Variants in CLIC5 observed in about 807,000 individuals in gnomAD.
CLIC5 encodes chloride intracellular channel protein 5.
A neutral mutation model predicts 24.7 loss-of-function variants in CLIC5; 20 were observed. The observed-to-expected ratio is 0.81, with a 90% CI of 0.57 to 1.18. The LOEUF (loss-of-function observed/expected upper bound fraction) is 1.18. Among genes scored for constraint, CLIC5 ranks in the 50% most tolerant of loss-of-function variants. The pLI, the probability that CLIC5 is intolerant of heterozygous loss-of-function variation, is 0.00. For missense variants in CLIC5, 341 were observed against 326.1 expected, an observed-to-expected ratio of 1.05 and a Z score of -0.35; for synonymous variants, 159 against 135.6, an observed-to-expected ratio of 1.17 and a Z score of -1.20.
At chr6:46,083,952 G>T (rs1762976763), upstream of CLIC5, among the ~76,000 whole-genome samples, 1 of 152,056 alleles carries the variant, frequency 6.6e-6, no homozygotes, top group South Asian at 2.1e-4. Context: ...TATGAATCTG[G>T]GTGCTCCTGT....
chr6:46,031,920 C>T (rs1193485212), intron 1 of CLIC5, among the ~76,000 whole-genome samples: 1 of 138,164 alleles, frequency 7.2e-6, no homozygotes, highest in Non-Finnish European at 1.6e-5. Context: ...TATATATGTA[C>T]ACAACATATA....
chr6:46,015,245 G>T (rs566605804), intron 1 of CLIC5, among the ~76,000 whole-genome samples: 60 of 152,300 alleles, frequency 3.9e-4, no homozygotes, highest in Middle Eastern at 6.8e-3. Flanking sequence ...GGGGACGGGG[G>T]TGGACAAACT....
intron 6 of CLIC5, among the ~76,000 whole-genome samples, chr6:45,882,826 T>C (rs1762274877): frequency 6.6e-6 from 1 of 152,258 alleles, no homozygotes; most frequent in South Asian, 2.1e-4. Context: ...CATTCATTCA[T>C]GTACTGTTCA....
At chr6:46,022,251 G>T (rs1767204848) in intron 1 of CLIC5, among the ~76,000 whole-genome samples, 1 of 152,162 alleles carries the variant, frequency 6.6e-6, no homozygotes, top group Admixed American at 6.5e-5. Context: ...TTCAGAAAAT[G>T]CTTGCCCTAC....
intron 1 of CLIC5, among the ~76,000 whole-genome samples, chr6:46,028,467 C>T (rs1246687041): frequency 6.6e-6 from 1 of 152,180 alleles, no homozygotes; most frequent in Non-Finnish European, 1.5e-5. Flanking sequence ...GCATTGGTCA[C>T]AAATGAAGAT....
intron 3 of CLIC5, among the ~76,000 whole-genome samples, chr6:45,946,837 C>T (rs1350809616): frequency 2.0e-5 from 3 of 152,192 alleles, no homozygotes; most frequent in Non-Finnish European, 2.9e-5. Context: ...GATGGCCTCA[C>T]CCTTGGCGCC....
intron 1 of CLIC5, among the ~76,000 whole-genome samples, chr6:45,967,565 T>A (rs989113752): frequency 6.6e-6 from 1 of 152,196 alleles, no homozygotes; most frequent in Non-Finnish European, 1.5e-5. Flanking sequence ...GCCTGGAGGC[T>A]GGATTGAACA....
At chr6:46,115,200 C>T in the CLIC5 span, among the ~76,000 whole-genome samples, 94,469 of 151,898 alleles carry the variant, frequency 0.62, 29,706 homozygotes, top group Middle Eastern at 0.82. Flanking sequence ...GGGCAGTCAG[C>T]AATGACACCA....
chr6:46,057,597 C>T (rs1768295085), intron 1 of CLIC5, among the ~76,000 whole-genome samples: 1 of 152,098 alleles, frequency 6.6e-6, no homozygotes, highest in Non-Finnish European at 1.5e-5. Flanking sequence ...CTCCCCATTA[C>T]CTACAAGGTA....
intron 1 of CLIC5, among the ~76,000 whole-genome samples, chr6:46,057,618 T>G (rs999778128): frequency 6.6e-6 from 1 of 152,186 alleles, no homozygotes; most frequent in Non-Finnish European, 1.5e-5. Context: ...AATTTCAGAC[T>G]CCTTAATTTG....
chr6:45,999,937 A>G (rs1766292164), intron 1 of CLIC5, among the ~76,000 whole-genome samples: 2 of 80,792 alleles, frequency 2.5e-5, no homozygotes, highest in African/African-American at 1.1e-4. Context: ...TTTTTAGTAG[A>G]GACGGGGTTT....
intron 4 of CLIC5, among the ~76,000 whole-genome samples, chr6:45,930,553 G>A (rs540305298): frequency 2.3e-4 from 35 of 152,272 alleles, no homozygotes; most frequent in African/African-American, 7.7e-4. Flanking sequence ...AGACCCTTTC[G>A]AATCCACAGG....
intron 1 of CLIC5, among the ~76,000 whole-genome samples, chr6:46,033,392 A>T (rs913722607): frequency 6.6e-6 from 1 of 152,106 alleles, no homozygotes; most frequent in African/African-American, 2.4e-5. Flanking sequence ...TGTGTCAGGC[A>T]TTTGGGCAGT....
At chr6:46,098,717 T>A in the CLIC5 span, among the ~76,000 whole-genome samples, 2 of 152,154 alleles carry the variant, frequency 1.3e-5, no homozygotes, top group Admixed American at 1.3e-4. Flanking sequence ...AACGGAAGCA[T>A]AACTATTGCT....
chr6:46,116,109 T>C, the CLIC5 span, among the ~76,000 whole-genome samples: 24 of 152,194 alleles, frequency 1.6e-4, 1 homozygote, highest in Admixed American at 1.5e-3. Context: ...TTATCAAGTC[T>C]TTAGGGTATA....
At chr6:45,988,536 C>T (rs1765819742) in intron 1 of CLIC5, among the ~76,000 whole-genome samples, 1 of 152,170 alleles carries the variant, frequency 6.6e-6, no homozygotes, top group African/African-American at 2.4e-5. Context: ...TCACAAGGGG[C>T]TTTAGGAATC....
At chr6:46,053,834 G>A (rs1233978590) in intron 1 of CLIC5, among the ~76,000 whole-genome samples, 1 of 152,186 alleles carries the variant, frequency 6.6e-6, no homozygotes, top group South Asian at 2.1e-4. Flanking sequence ...CCTCTCTGCA[G>A]TGTTGCCCTG....
At position 45,919,870 on chromosome 6, in the gene CLIC5, G is replaced by A. The variant is rs183791058; in HGVS notation, c.407-5461C>T. On this transcript the variant is annotated intron_variant, in intron 4 of 5. Coordinates refer to ENST00000339561, the MANE Select transcript of CLIC5 (RefSeq NM_016929.5). ...AATGCCTAGGGCAGATTAGAATCAC[G>A]TACTCAGAGTGACAGAGAGAAAAAA... is the stretch of plus-strand genomic sequence containing the variant. Among the ~76,000 whole-genome samples, 44 of 152,188 alleles carry A rather than the reference G, an allele frequency of 2.9e-4. 1 individual carries two copies. In the East Asian group the frequency reaches 6.2e-3, roughly 21 times the overall value.
intron 4 of CLIC5, among the ~76,000 whole-genome samples, chr6:45,918,133 CA>C (rs919341644): frequency 2.0e-5 from 3 of 152,058 alleles, no homozygotes; most frequent in Non-Finnish European, 4.4e-5. Flanking sequence ...GATGAGGAAA[CA>C]AGGGGAATAG....
Sources: gnomAD v4.1 joint callset for allele counts (sites outside exome capture counted in the v4.1 genomes callset) on GRCh38, gnomAD v4.1.1 for gene constraint, MANE v1.5 for transcripts, NCBI Gene and HGNC (gene_info 2026-07-23, HGNC 2026-07-21) for gene names.